Variants in MAPK10 observed in about 807,000 individuals in gnomAD.
MAPK10 encodes JNK3 alpha protein kinase.
Under a neutral mutation model 59.3 loss-of-function variants are expected in MAPK10, and 25 were observed. The ratio of observed to expected loss-of-function variants is 0.42; its 90% confidence interval spans 0.31 to 0.59. MAPK10 has a LOEUF of 0.59. Among genes scored for constraint, MAPK10 ranks in the 20% least tolerant of loss-of-function variants. MAPK10 has a pLI of 0.15. For missense variants in MAPK10, 351 were observed against 568.9 expected (o/e 0.62, Z 3.90); for synonymous variants, 190 against 200.5 (o/e 0.95, Z 0.44).
intron 2 of MAPK10, among the ~76,000 whole-genome samples, chr4:86,288,015 G>A (rs1376478663): frequency 2.0e-5 from 3 of 152,152 alleles, no homozygotes; most frequent in African/African-American, 7.2e-5. Context: ...ATGGAAAATG[G>A]TATGGTGGAG....
At chr4:86,083,732 G>A (rs977318087) in intron 9 of MAPK10, among the ~76,000 whole-genome samples, 4 of 152,268 alleles carry the variant, frequency 2.6e-5, no homozygotes, top group African/African-American at 9.6e-5. Flanking sequence ...AGCTAAGGGG[G>A]TGCTGGCATC....
At position 86,504,822 on chromosome 4, in the gene MAPK10, G is replaced by A. The variant is rs113960396; in HGVS notation, c.-263+89088C>T. Among the ~76,000 whole-genome samples, 1,122 of 152,174 alleles carry A rather than the reference G, an allele frequency of 7.4e-3. 19 individuals are homozygous for A. Among genetic ancestry groups the A allele is most frequent in the African/African-American group, 0.025 (1,034 of 41,522 alleles). On this transcript the variant is annotated intron_variant, in intron 1 of 4. Coordinates refer to the MAPK10 transcript ENST00000502302. ...GACACATGATGACTGGCTGGGGTGA[G>A]GAATGGAAAGGAAGAGCCAGAAGAG...
At chr4:86,592,126 T>C (rs774350000) in intron 1 of MAPK10, among the ~76,000 whole-genome samples, 19 of 152,184 alleles carry the variant, frequency 1.2e-4, no homozygotes, top group Non-Finnish European at 2.5e-4. Context: ...GCCATAACTA[T>C]ACACATGAAA....
At chr4:86,220,706 T>C (rs1038394400) in intron 2 of MAPK10, among the ~76,000 whole-genome samples, 1 of 152,222 alleles carries the variant, frequency 6.6e-6, no homozygotes. Context: ...GTAAACACAA[T>C]AATATTTTAG....
At chr4:86,115,086 C>T (rs370592730) in intron 4 of MAPK10, among the ~76,000 whole-genome samples, 6 of 152,198 alleles carry the variant, frequency 3.9e-5, no homozygotes, top group Non-Finnish European at 1.5e-5. Context: ...CCCAGGCACT[C>T]GGTTGTATTA....
intron 1 of MAPK10, among the ~76,000 whole-genome samples, chr4:86,577,834 A>G (rs1246896256): frequency 6.6e-6 from 1 of 152,202 alleles, no homozygotes; most frequent in Non-Finnish European, 1.5e-5. Flanking sequence ...AATGGATAAA[A>G]CAGAGAAGAA....
chr4:86,111,411 AGT>A (rs1380703960), intron 4 of MAPK10, among the ~76,000 whole-genome samples: 2 of 152,176 alleles, frequency 1.3e-5, no homozygotes, highest in African/African-American at 4.8e-5. Context: ...TTCAATACCT[AGT>A]TTATTGAGAG....
At chr4:86,215,681 T>C (rs1002110623) in intron 2 of MAPK10, among the ~76,000 whole-genome samples, 3 of 152,064 alleles carry the variant, frequency 2.0e-5, no homozygotes, top group African/African-American at 7.2e-5. Context: ...GCCAACATGG[T>C]GAAACCCCGT....
At chr4:86,120,594 G>A (rs1453580598) in intron 4 of MAPK10, 1 of 152,206 alleles carries the variant, frequency 6.6e-6, no homozygotes, top group East Asian at 1.9e-4. Context: ...CTTCATCTCA[G>A]TAAAATGGTA....
intron 11 of MAPK10, among the ~76,000 whole-genome samples, chr4:86,054,261 A>T (rs13103374): frequency 0.44 from 66,372 of 151,932 alleles, 15,124 homozygotes; most frequent in African/African-American, 0.55. Context: ...TCAGTGAAAT[A>T]CATATTCCTA....
chr4:86,267,881 A>G (rs186859930), intron 2 of MAPK10, among the ~76,000 whole-genome samples: 1 of 152,182 alleles, frequency 6.6e-6, no homozygotes, highest in Non-Finnish European at 1.5e-5. Context: ...AGACATTGTT[A>G]ACATCTAACA....
chr4:86,095,566 A>G (rs910275176), intron 9 of MAPK10: 1 of 151,824 alleles, frequency 6.6e-6, no homozygotes, highest in Non-Finnish European at 1.5e-5. Context: ...CTTAGCTTTG[A>G]TATTTCTTCC....
At chr4:86,527,529 T>C (rs372643861) in intron 1 of MAPK10, among the ~76,000 whole-genome samples, 1 of 152,028 alleles carries the variant, frequency 6.6e-6, no homozygotes, top group East Asian at 1.9e-4. Flanking sequence ...GGTGAGGCTG[T>C]GGAGAAAAGG....
chr4:86,136,680 A>C lies in MAPK10; in HGVS notation c.236+22618T>G, dbSNP rs567156492. Among the ~76,000 whole-genome samples the C allele has an allele frequency of 6.3e-4, 96 of 151,334 alleles. 1 individual carries two copies. The South Asian group carries it at 9.8e-3, about 15-fold the overall frequency. On this transcript the variant is annotated intron_variant, in intron 4 of 13. Coordinates refer to ENST00000641462, the MANE Select transcript of MAPK10 (RefSeq NM_138982.4). ...TAATGACAGGATCAAATTCACACATAACAATATTAACTTTAAATGTAAATG... is the reference window on the plus strand; with the variant it reads ...TAATGACAGGATCAAATTCACACATCACAATATTAACTTTAAATGTAAATG...
At chr4:86,112,117 T>C (rs1317459496) in intron 4 of MAPK10, among the ~76,000 whole-genome samples, 1 of 150,562 alleles carries the variant, frequency 6.6e-6, no homozygotes, top group Non-Finnish European at 1.5e-5. Flanking sequence ...TCATTATTAA[T>C]CTAGTTAGTG....
chr4:86,161,856 C>G (rs1227584439), intron 3 of MAPK10, among the ~76,000 whole-genome samples: 1 of 152,024 alleles, frequency 6.6e-6, no homozygotes, highest in Non-Finnish European at 1.5e-5. Context: ...GGCCCTGTGC[C>G]TTTGGACTTC....
Position 86,149,835 on chromosome 4 carries a change from A to C in MAPK10, c.236+9463T>G, listed in dbSNP as rs556542505. ...ACAGGTAAGAGGGAGCCAGGATCTT[A>C]GAGTCTGCACTCTAACCACGGCCTT... On this transcript the variant is annotated intron_variant, in intron 4 of 13. Coordinates refer to ENST00000641462, the MANE Select transcript of MAPK10 (RefSeq NM_138982.4). Among the ~76,000 whole-genome samples, 3 of 152,348 alleles carry C rather than the reference A, an allele frequency of 2.0e-5. No homozygotes were observed. The East Asian group carries it at 5.8e-4, about 29-fold the overall frequency.
intron 11 of MAPK10, among the ~76,000 whole-genome samples, chr4:86,055,860 T>G (rs1311521786): frequency 2.0e-5 from 3 of 150,134 alleles, no homozygotes; most frequent in Non-Finnish European, 4.4e-5. Flanking sequence ...GAGTTGCTAT[T>G]AAATTTTATA....
chr4:86,294,493 G>A (rs945369479), intron 2 of MAPK10, among the ~76,000 whole-genome samples: 1 of 151,242 alleles, frequency 6.6e-6, no homozygotes, highest in African/African-American at 2.4e-5. Context: ...TACCCATGAG[G>A]GATTAACAGC....
Sources: gnomAD v4.1 joint callset for allele counts (sites outside exome capture counted in the v4.1 genomes callset) on GRCh38, gnomAD v4.1.1 for gene constraint, MANE v1.5 for transcripts, NCBI Gene and HGNC (gene_info 2026-07-23, HGNC 2026-07-21) for gene names.